EXOC6B: variants seen among roughly 807,000 people sequenced by gnomAD.
EXOC6B encodes the protein exocyst complex component 6B.
Under a neutral mutation model 113.5 loss-of-function variants are expected in EXOC6B, and 54 were observed. That is an observed-to-expected ratio of 0.48 (90% CI 0.38 to 0.60). EXOC6B has a LOEUF of 0.60. Among genes scored for constraint, EXOC6B ranks in the 20% least tolerant of loss-of-function variants. The pLI is 0.00. For synonymous variants in EXOC6B, 357 were observed against 339.0 expected (o/e 1.05, Z -0.58); for missense variants, 797 against 977.5 (o/e 0.82, Z 2.46).
intron 10 of EXOC6B, among the ~76,000 whole-genome samples, chr2:72,513,756 A>C (rs997660913): frequency 6.6e-6 from 1 of 152,044 alleles, no homozygotes; most frequent in Non-Finnish European, 1.5e-5. Flanking sequence ...AAAAGGCATC[A>C]TACAAAGGTT....
intron 6 of EXOC6B, among the ~76,000 whole-genome samples, chr2:72,648,580 C>T (rs11689339): frequency 0.22 from 32,946 of 152,134 alleles, 5,833 homozygotes; most frequent in African/African-American, 0.49. Context: ...CACATATACA[C>T]CACAGAATAC....
chr2:72,315,305 C>T (rs1354844308), intron 20 of EXOC6B, among the ~76,000 whole-genome samples: 2 of 151,750 alleles, frequency 1.3e-5, no homozygotes, highest in Non-Finnish European at 2.9e-5. Context: ...AACAGAGTAA[C>T]TGAGGAAAAA....
At chr2:72,465,038 T>C in intron 18 of EXOC6B, 122 bp downstream of exon 18, 3 of 745,706 alleles carry the variant, frequency 4.0e-6, no homozygotes, top group East Asian at 2.7e-5. Context: ...AAATATAGCA[T>C]GCGCCTTTAT....
chr2:72,560,864 A>G (rs1049188515), intron 7 of EXOC6B, among the ~76,000 whole-genome samples: 1 of 151,988 alleles, frequency 6.6e-6, no homozygotes, highest in African/African-American at 2.4e-5. Context: ...AAAGTTTAAG[A>G]AGAGGTAATG....
chr2:72,238,512 T>A (rs1436292051), intron 20 of EXOC6B, among the ~76,000 whole-genome samples: 3 of 152,206 alleles, frequency 2.0e-5, no homozygotes, highest in Non-Finnish European at 2.9e-5. Context: ...CAATTTTGCA[T>A]TTCCCCAGCA....
At chr2:72,636,331 G>GGGAAGGAAGGAAGGAA (rs1413671048) in intron 6 of EXOC6B, among the ~76,000 whole-genome samples, 2,780 of 80,592 alleles carry the variant, frequency 0.034, 68 homozygotes, top group African/African-American at 0.046. Flanking sequence ...GAGGGAAGGA[G>GGGAAGGAAGGAAGGAA]GGAAGGAAGG....
chr2:72,396,907 C>T (rs1323244085), intron 18 of EXOC6B, among the ~76,000 whole-genome samples: 4 of 151,614 alleles, frequency 2.6e-5, no homozygotes, highest in African/African-American at 4.9e-5. Context: ...TTACATTGTA[C>T]TCAACAAATT....
At chr2:72,459,477 T>C (rs1000080336) in intron 18 of EXOC6B, among the ~76,000 whole-genome samples, 1 of 152,146 alleles carries the variant, frequency 6.6e-6, no homozygotes, top group African/African-American at 2.4e-5. Context: ...GCCCAAAATC[T>C]CCTTAAGCTG....
chr2:72,519,158 G>A (rs987099203), intron 8 of EXOC6B, among the ~76,000 whole-genome samples: 1 of 151,604 alleles, frequency 6.6e-6, no homozygotes, highest in Non-Finnish European at 1.5e-5. Context: ...GCAGAGGGGT[G>A]AAAAATTTGA....
At chr2:72,260,773 T>C (rs1452891243) in intron 20 of EXOC6B, among the ~76,000 whole-genome samples, 3 of 152,126 alleles carry the variant, frequency 2.0e-5, no homozygotes, top group Non-Finnish European at 4.4e-5. Context: ...CAAGAGGGGA[T>C]TCCAACAGAA....
At chr2:72,411,881 C>T (rs1413167522) in intron 18 of EXOC6B, among the ~76,000 whole-genome samples, 1 of 151,872 alleles carries the variant, frequency 6.6e-6, no homozygotes, top group East Asian at 1.9e-4. Flanking sequence ...CAAGTAGAAT[C>T]AAAAGCTAAA....
At chr2:72,732,669 T>G (rs1367425986) in intron 3 of EXOC6B, among the ~76,000 whole-genome samples, 1 of 151,550 alleles carries the variant, frequency 6.6e-6, no homozygotes, top group Non-Finnish European at 1.5e-5. Context: ...ACAGGCACAA[T>G]GAAGAAAAAG....
intron 8 of EXOC6B, among the ~76,000 whole-genome samples, chr2:72,557,752 C>T (rs772266477): frequency 1.3e-5 from 2 of 151,918 alleles, no homozygotes; most frequent in Admixed American, 6.6e-5. Context: ...AACAAACCCC[C>T]GTGACATGAG....
At chr2:72,421,594 A>G (rs1481990101) in intron 18 of EXOC6B, among the ~76,000 whole-genome samples, 1 of 152,246 alleles carries the variant, frequency 6.6e-6, no homozygotes, top group Non-Finnish European at 1.5e-5. Flanking sequence ...AAATTTCCCA[A>G]TATAGCATTC....
At chr2:72,442,834 A>G (rs1356143934) in intron 18 of EXOC6B, among the ~76,000 whole-genome samples, 2 of 152,226 alleles carry the variant, frequency 1.3e-5, no homozygotes, top group Non-Finnish European at 2.9e-5. Flanking sequence ...CATAAATTCA[A>G]TGCTATTCCC....
At chr2:72,329,512 T>C (rs980576247) in intron 20 of EXOC6B, among the ~76,000 whole-genome samples, 1 of 152,096 alleles carries the variant, frequency 6.6e-6, no homozygotes, top group African/African-American at 2.4e-5. Flanking sequence ...GCTTCTGATA[T>C]AAATGGGTTT....
At chr2:72,811,963 A>C (rs1200981832) in intron 1 of EXOC6B, among the ~76,000 whole-genome samples, 2 of 152,216 alleles carry the variant, frequency 1.3e-5, no homozygotes, top group Admixed American at 1.3e-4. Flanking sequence ...AAAAGACTGA[A>C]TGCTTTCCTT....
At chr2:72,700,505 A>G (rs1236631568) in intron 6 of EXOC6B, among the ~76,000 whole-genome samples, 2 of 152,122 alleles carry the variant, frequency 1.3e-5, no homozygotes, top group Non-Finnish European at 2.9e-5. Context: ...CATATATAAA[A>G]TATTTCATTT....
rs1040462483 is a variant in EXOC6B at position 72,457,496 on chromosome 2, T to C, written c.1980+7664A>G. 3.3e-5 allele frequency among the ~76,000 whole-genome samples: 5 copies of C among 152,204 alleles called. No individual in the cohort carries two copies. In the East Asian group the frequency reaches 7.7e-4, roughly 24 times the overall value. On this transcript the variant is annotated intron_variant, in intron 18 of 21. Transcript: ENST00000272427. ...CTATGAGAGATCTTGCCCTATGTCATACAAATTAACATTAACAACAGACAG... is the reference window on the plus strand; with the variant it reads ...CTATGAGAGATCTTGCCCTATGTCACACAAATTAACATTAACAACAGACAG...
Sources: gnomAD v4.1 joint callset for allele counts (sites outside exome capture counted in the v4.1 genomes callset) on GRCh38, gnomAD v4.1.1 for gene constraint, MANE v1.5 for transcripts, NCBI Gene and HGNC (gene_info 2026-07-23, HGNC 2026-07-21) for gene names.